Variants in ICA1 observed in about 807,000 individuals in gnomAD.
ICA1 encodes the protein 69 kDa islet cell autoantigen.
In ICA1, 40 loss-of-function variants were observed where a neutral mutation model predicts 71.0. That is an observed-to-expected ratio of 0.56 (90% CI 0.44 to 0.73). The LOEUF is 0.73. Among genes scored for constraint, ICA1 ranks in the 30% least tolerant of loss-of-function variants. ICA1 has a pLI of 0.00. For synonymous variants in ICA1, 207 were observed against 209.5 expected (o/e 0.99, Z 0.10); for missense variants, 578 against 576.5 (o/e 1.00, Z -0.03).
chr7:8,192,200 A>G (rs1398134820), intron 6 of ICA1, among the ~76,000 whole-genome samples: 1 of 152,222 alleles, frequency 6.6e-6, no homozygotes, highest in African/African-American at 2.4e-5. Flanking sequence ...AATTGTCCCA[A>G]TAATATCTTC....
intron 6 of ICA1, among the ~76,000 whole-genome samples, chr7:8,174,771 A>AAAACC (rs1554310914): frequency 9.4e-6 from 1 of 106,038 alleles, no homozygotes; most frequent in African/African-American, 3.1e-5. Context: ...AAAAAAAAAA[A>AAAACC]AAAAAAAACA....
intron 5 of ICA1, among the ~76,000 whole-genome samples, chr7:8,219,610 C>A (rs1041610774): frequency 6.6e-6 from 1 of 152,182 alleles, no homozygotes; most frequent in Non-Finnish European, 1.5e-5. Context: ...CACTGTCCTA[C>A]CTAGATGTTG....
chr7:8,243,004 C>T (rs1023825423), intron 1 of ICA1, among the ~76,000 whole-genome samples: 5 of 152,190 alleles, frequency 3.3e-5, no homozygotes, highest in African/African-American at 7.2e-5. Flanking sequence ...GGAGCTGGTA[C>T]CATTTCTTCT....
rs1167810980 is a variant in ICA1, at chr7:8,113,259, T to C, written c.*664A>G. On this transcript the variant is annotated 3_prime_UTR_variant, in exon 14 of 14. Coordinates refer to ENST00000402384, the MANE Select transcript of ICA1 (RefSeq NM_001136020.3). The surrounding 1 kb of genome is among the most constrained non-coding windows in gnomAD (Gnocchi z 4.2). Reference sequence around the variant, plus strand: ...TGTCACAAGAGGCTTCAGAAATACATGCTTTTGAATTCCAGCCACGAAGAG... The same window carrying C: ...TGTCACAAGAGGCTTCAGAAATACACGCTTTTGAATTCCAGCCACGAAGAG... 4 of 149,468 alleles carry C rather than the reference T, an allele frequency of 2.7e-5. No individual in the cohort carries two copies. Among genetic ancestry groups the C allele is most frequent in the African/African-American group, 9.8e-5 (4 of 40,874 alleles). 9.3% of individuals were successfully genotyped at this position (149,468 alleles called of 1,614,324 possible).
intron 13 of ICA1, among the ~76,000 whole-genome samples, chr7:8,118,080 G>T (rs3807849): frequency 0.043 from 6,552 of 152,128 alleles, 244 homozygotes; most frequent in East Asian, 0.12. Flanking sequence ...CTTTTAAACC[G>T]TGAGTATACT....
chr7:8,243,115 A>G (rs184906899), intron 1 of ICA1, among the ~76,000 whole-genome samples: 39 of 152,342 alleles, frequency 2.6e-4, no homozygotes, highest in African/African-American at 8.7e-4. Context: ...CACAACAAAA[A>G]AAGGGAATTT....
At chr7:8,257,358 G>T (rs1487215601) in intron 1 of ICA1, among the ~76,000 whole-genome samples, 1 of 152,186 alleles carries the variant, frequency 6.6e-6, no homozygotes, top group East Asian at 1.9e-4. Flanking sequence ...TGATGTCTAT[G>T]CCCTGTTCTG....
chr7:8,201,199 A>G (rs1789544406), intron 6 of ICA1, among the ~76,000 whole-genome samples: 1 of 152,212 alleles, frequency 6.6e-6, no homozygotes, highest in African/African-American at 2.4e-5. Context: ...TGCAGGAGAA[A>G]TACAAAAAGA....
intron 2 of ICA1, 74 bp from the exon 3 acceptor site, chr7:8,232,829 T>A: frequency 7.8e-7 from 1 of 1,290,008 alleles, no homozygotes. Context: ...AAATGATTTC[T>A]TTAAACATGA....
intron 12 of ICA1, among the ~76,000 whole-genome samples, chr7:8,129,719 ATACTT>A (rs1467000848): frequency 6.6e-6 from 1 of 152,138 alleles, no homozygotes; most frequent in African/African-American, 2.4e-5. Flanking sequence ...TATTATTATT[ATACTT>A]TAAGTTTTAG....
chr7:8,167,828 G>A (rs1806658920), intron 6 of ICA1, among the ~76,000 whole-genome samples: 1 of 152,156 alleles, frequency 6.6e-6, no homozygotes, highest in East Asian at 1.9e-4. Context: ...CCTGATCAAA[G>A]CTGGGTGAAT....
intron 1 of ICA1, among the ~76,000 whole-genome samples, chr7:8,259,116 C>G (rs1307377949): frequency 1.3e-5 from 2 of 152,166 alleles, no homozygotes; most frequent in East Asian, 3.8e-4. Flanking sequence ...TAACAAGCCC[C>G]CAAATGATTC....
intron 13 of ICA1, among the ~76,000 whole-genome samples, chr7:8,121,712 C>A (rs1245779300): frequency 6.6e-6 from 1 of 151,886 alleles, no homozygotes; most frequent in African/African-American, 2.4e-5. Context: ...TGACTGCAGT[C>A]AACAATAATT....
At chr7:8,241,997 C>G (rs1017369293) in intron 1 of ICA1, among the ~76,000 whole-genome samples, 12 of 151,976 alleles carry the variant, frequency 7.9e-5, no homozygotes, top group African/African-American at 2.7e-4. Flanking sequence ...GTCAACATTA[C>G]ACAGATCAAC....
At chr7:8,235,009 C>T (rs6952526) in intron 2 of ICA1, among the ~76,000 whole-genome samples, 13,448 of 151,822 alleles carry the variant, frequency 0.089, 1,349 homozygotes, top group African/African-American at 0.24. Flanking sequence ...ACTAAAAATA[C>T]AAAAATTAGC....
intron 6 of ICA1, among the ~76,000 whole-genome samples, chr7:8,184,553 C>T (rs1018460770): frequency 6.6e-6 from 1 of 152,160 alleles, no homozygotes; most frequent in Non-Finnish European, 1.5e-5. Context: ...ATATATAAAT[C>T]ACAAGATAGC....
chr7:8,124,454 G>GAAA lies in ICA1; in HGVS notation c.1330+3416_1330+3418dup, dbSNP rs573367505. On this transcript the variant is annotated intron_variant, in intron 13 of 13. Transcript: ENST00000402384. ...AGATTTTCTAGGCCATGAATGCAGT[G>GAAA]AAAAAAAAAAAAAAAACTCAAGCTA... Among the ~76,000 whole-genome samples the GAAA allele has an allele frequency of 2.7e-3, 315 of 114,574 alleles. 1 individual carries two copies. Among genetic ancestry groups the GAAA allele is most frequent in the African/African-American group, 0.01 (296 of 28,616 alleles). The allele number at this position is 114,574 out of a possible 152,430, so 75.2% of individuals were successfully genotyped here.
At chr7:8,256,171 C>A (rs1810083970) in intron 1 of ICA1, among the ~76,000 whole-genome samples, 1 of 152,186 alleles carries the variant, frequency 6.6e-6, no homozygotes, top group African/African-American at 2.4e-5. Context: ...ACAGCTTAGG[C>A]CTTAAGAGGC....
chr7:8,169,266 G>T (rs541185808), intron 6 of ICA1, among the ~76,000 whole-genome samples: 1 of 152,020 alleles, frequency 6.6e-6, no homozygotes, highest in East Asian at 1.9e-4. Flanking sequence ...TCAATTTTTT[G>T]GCTCTTTTGT....
Sources: gnomAD v4.1 joint callset for allele counts (sites outside exome capture counted in the v4.1 genomes callset) on GRCh38, gnomAD v4.1.1 for gene constraint, Gnocchi (gnomAD v3.1) non-coding constraint, MANE v1.5 for transcripts, NCBI Gene and HGNC (gene_info 2026-07-23, HGNC 2026-07-21) for gene names.